NLN: variants seen among roughly 807,000 people sequenced by gnomAD.
NLN encodes neurolysin.
In NLN, 64 loss-of-function variants were observed where a neutral mutation model predicts 79.9. The observed-to-expected ratio is 0.80, with a 90% CI of 0.65 to 0.99. The LOEUF (loss-of-function observed/expected upper bound fraction) is 0.99. Among genes scored for constraint, NLN ranks in the 50% least tolerant of loss-of-function variants. The pLI is 0.00. For missense variants in NLN, 835 were observed against 858.7 expected (o/e 0.97, Z 0.34); for synonymous variants, 267 against 296.6 (o/e 0.90, Z 1.02).
intron 4 of NLN, among the ~76,000 whole-genome samples, chr5:65,778,519 A>C (rs1360526163): frequency 6.6e-6 from 1 of 152,148 alleles, no homozygotes; most frequent in African/African-American, 2.4e-5. Flanking sequence ...GATCTCACTT[A>C]CCTGACCCTT....
In NLN at chr5:65,758,758, T is replaced by C; in HGVS notation, c.233T>C (p.Leu78Pro). The C allele has an allele frequency of 6.2e-7, 1 of 1,613,730 alleles. No homozygotes were observed. Among genetic ancestry groups the C allele is most frequent in the Non-Finnish European group, 8.5e-7 (1 of 1,179,716 alleles). The change falls in exon 2 of 13, where the codon CTC (leucine) becomes CCC (proline). Residue 78 changes from leucine to proline, a missense_variant. By Grantham distance (98) the Leu-to-Pro change is moderately conservative (BLOSUM62 -3). Transcript: ENST00000380985. ...CAGGTGTACGATGCTGTTGGAATGCTCGGTATTGAGGAAGTAACTTACGAG... is the reference window on the plus strand; with the variant it reads ...CAGGTGTACGATGCTGTTGGAATGCCCGGTATTGAGGAAGTAACTTACGAG... ...TKQVYDAVGMLGIEEVTYENC... is the reference protein window; with the variant it reads ...TKQVYDAVGMPGIEEVTYENC...
At chr5:65,821,479 TATTG>T (rs1760797335) in intron 12 of NLN, among the ~76,000 whole-genome samples, 3 of 152,202 alleles carry the variant, frequency 2.0e-5, no homozygotes, top group African/African-American at 7.2e-5. Context: ...ATAATGTGTA[TATTG>T]ACACGTGTTG....
intron 12 of NLN, 60 bp downstream of exon 12, chr5:65,812,451 T>G (rs1760574878): frequency 6.9e-6 from 8 of 1,154,202 alleles, no homozygotes; most frequent in Non-Finnish European, 8.8e-6. Flanking sequence ...CTTTAACTCC[T>G]AGTGTAAAAT....
intron 9 of NLN, among the ~76,000 whole-genome samples, chr5:65,798,880 TTTTG>T (rs1203575448): frequency 1.3e-5 from 2 of 152,154 alleles, no homozygotes; most frequent in South Asian, 2.1e-4. Context: ...ATGTTTAGTT[TTTTG>T]TTTGTTTGTT....
intron 1 of NLN, among the ~76,000 whole-genome samples, chr5:65,748,201 A>G (rs1163288159): frequency 6.6e-6 from 1 of 151,846 alleles, no homozygotes; most frequent in African/African-American, 2.4e-5. Flanking sequence ...AGTCTGTCTC[A>G]AAAACAAAAA....
intron 2 of NLN, among the ~76,000 whole-genome samples, chr5:65,761,763 C>T (rs1327670209): frequency 6.6e-6 from 1 of 151,898 alleles, no homozygotes; most frequent in Non-Finnish European, 1.5e-5. Context: ...AAAAATATAC[C>T]TTATGGATTT....
chr5:65,738,950 T>C (rs1168278075), intron 1 of NLN, among the ~76,000 whole-genome samples: 2 of 83,134 alleles, frequency 2.4e-5, no homozygotes, highest in South Asian at 6.4e-4. Context: ...TTTATATATG[T>C]TTATATATAT....
chr5:65,753,821 A>T (rs549681956), intron 1 of NLN, among the ~76,000 whole-genome samples: 5 of 152,170 alleles, frequency 3.3e-5, no homozygotes, highest in Non-Finnish European at 7.4e-5. Context: ...TCTCAGGGCC[A>T]GCCTTTTTAC....
At chr5:65,722,546 C>T in intron 1 of NLN, 132 bp downstream of exon 1, 1 of 827,840 alleles carries the variant, frequency 1.2e-6, no homozygotes, top group Non-Finnish European at 1.8e-6. Context: ...CTCCCCGCGG[C>T]TTGCAAGGTG....
At chr5:65,809,305 T>C in intron 9 of NLN, 2 of 420,038 alleles carry the variant, frequency 4.8e-6, no homozygotes, top group Admixed American at 8.0e-5. Context: ...ATGAAATTAC[T>C]ACTGTAATAT....
At chr5:65,775,988 C>T (rs970965509) in intron 3 of NLN, among the ~76,000 whole-genome samples, 1 of 152,220 alleles carries the variant, frequency 6.6e-6, no homozygotes, top group Non-Finnish European at 1.5e-5. Context: ...CATGGTCACT[C>T]AAACCTGCAA....
At chr5:65,727,847 A>C (rs1430569006) in intron 1 of NLN, among the ~76,000 whole-genome samples, 1 of 151,986 alleles carries the variant, frequency 6.6e-6, no homozygotes, top group Admixed American at 6.6e-5. Flanking sequence ...GCTCACTGCA[A>C]CCTCTGCCTT....
In NLN at chr5:65,822,785, G is replaced by T. The variant is rs1054454304; in HGVS notation, c.1985G>T (p.Gly662Val). The T allele has an allele frequency of 6.2e-7, 1 of 1,609,574 alleles. No homozygotes were observed. The highest frequency in any genetic ancestry group is 1.3e-5 in the African/African-American group (1 of 74,930). Residue 662 changes from glycine to valine, a missense_variant, in exon 13 of 13, where the codon GGA becomes GTA. Transcript: ENST00000380985. ...KKEGIMNPEVGMKYRNLILKP... is the reference protein window; with the variant it reads ...KKEGIMNPEVVMKYRNLILKP... ...TATGATGTTTTATTTTATTAGGTTG[G>T]AATGAAATACAGAAACCTAATCCTG...
intron 1 of NLN, among the ~76,000 whole-genome samples, chr5:65,727,006 G>C (rs1471750871): frequency 7.0e-6 from 1 of 142,302 alleles, no homozygotes; most frequent in East Asian, 2.0e-4. Flanking sequence ...CCCTTCCCAA[G>C]GCCAGCTTCC....
intron 1 of NLN, among the ~76,000 whole-genome samples, chr5:65,738,961 GTA>G (rs1758801277): frequency 1.2e-5 from 1 of 84,342 alleles, no homozygotes; most frequent in African/African-American, 5.2e-5. Context: ...TTATATATAT[GTA>G]TATATAAATA....
At chr5:65,768,299 C>T (rs1180004199) in intron 3 of NLN, among the ~76,000 whole-genome samples, 4 of 152,068 alleles carry the variant, frequency 2.6e-5, no homozygotes, top group African/African-American at 7.2e-5. Flanking sequence ...TAGGAACTTA[C>T]AATCATGGCA....
chr5:65,803,318 G>A (rs937345222), intron 9 of NLN, among the ~76,000 whole-genome samples: 2 of 152,182 alleles, frequency 1.3e-5, no homozygotes, highest in East Asian at 3.8e-4. Context: ...GCAGGCCAGT[G>A]CCAAGCCACG....
chr5:65,805,729 A>T (rs183487533), intron 9 of NLN, among the ~76,000 whole-genome samples: 1 of 152,380 alleles, frequency 6.6e-6, no homozygotes, highest in East Asian at 1.9e-4. Context: ...AGATCTAGTT[A>T]AGATCATTGA....
chr5:65,722,885 T>C (rs1000777208), intron 1 of NLN: 1 of 154,780 alleles, frequency 6.5e-6, no homozygotes, highest in Non-Finnish European at 1.4e-5. Flanking sequence ...CTTGTTTCCG[T>C]CCATGCTCTC....
Sources: allele counts gnomAD v4.1 joint callset (sites outside exome capture counted in the v4.1 genomes callset), GRCh38; gene constraint gnomAD v4.1.1; transcripts MANE v1.5; gene names NCBI Gene and HGNC (gene_info 2026-07-23, HGNC 2026-07-21).